The following LRMDA variants were observed in gnomAD, a reference collection of about 807,000 sequenced individuals.
LRMDA encodes leucine-rich melanocyte differentiation-associated protein.
A neutral mutation model predicts 29.8 loss-of-function variants in LRMDA; 18 were observed. The ratio of observed to expected loss-of-function variants is 0.60; its 90% CI spans 0.42 to 0.90. The LOEUF is 0.90. Ranked by LOEUF, LRMDA falls within the 40% of genes least tolerant of loss-of-function variation. The pLI is 0.00. For missense variants in LRMDA, 273 were observed against 273.9 expected, an observed-to-expected ratio of 1.00 and a Z score of 0.02; for synonymous variants, 125 against 109.4, an observed-to-expected ratio of 1.14 and a Z score of -0.89.
At chr10:75,845,845 G>A (rs1472373762) in intron 2 of LRMDA, among the ~76,000 whole-genome samples, 1 of 152,178 alleles carries the variant, frequency 6.6e-6, no homozygotes, top group Non-Finnish European at 1.5e-5. Flanking sequence ...CCACATGGGG[G>A]CAGAGAGAGA....
chr10:75,668,507 A>T (rs1841851494), intron 2 of LRMDA, among the ~76,000 whole-genome samples: 1 of 151,288 alleles, frequency 6.6e-6, no homozygotes, highest in East Asian at 1.9e-4. Context: ...TTATACAACC[A>T]CTCTCGGTTT....
intron 5 of LRMDA, among the ~76,000 whole-genome samples, chr10:76,197,621 T>TCC (rs1851352604): frequency 6.6e-6 from 1 of 152,124 alleles, no homozygotes; most frequent in African/African-American, 2.4e-5. Context: ...AATTAGCTGT[T>TCC]TAAAATGTTA....
chr10:75,615,789 T>C (rs1841090644), intron 2 of LRMDA, among the ~76,000 whole-genome samples: 1 of 152,202 alleles, frequency 6.6e-6, no homozygotes, highest in African/African-American at 2.4e-5. Context: ...TTTATGTCTC[T>C]GAACTCCATT....
rs767824306 is a variant in LRMDA, at chr10:76,047,235, G to T, written c.330G>T (p.Leu110=). ...VTPALEYLSL[L]GNVACPNELV... ...CAGCTCTGGAGTACCTCAGTCTGCT[G>T]GGCAACGTGGCCTGTCCCAACGAGC... Residue 110 remains leucine (L), a synonymous_variant, in exon 4 of 7, where the codon CTG becomes CTT. Transcript: ENST00000611255. 1.2e-6 allele frequency: 2 copies of T among 1,613,950 alleles called. No homozygotes were observed. Among genetic ancestry groups the T allele is most frequent in the African/African-American group, 2.7e-5 (2 of 74,906 alleles).
chr10:75,693,558 G>A (rs1323649718), intron 2 of LRMDA, among the ~76,000 whole-genome samples: 1 of 152,202 alleles, frequency 6.6e-6, no homozygotes, highest in Non-Finnish European at 1.5e-5. Flanking sequence ...TTCTATTTGT[G>A]TAATAGGCAA....
At chr10:75,897,990 T>G (rs1251667505) in intron 2 of LRMDA, among the ~76,000 whole-genome samples, 4 of 151,614 alleles carry the variant, frequency 2.6e-5, no homozygotes, top group African/African-American at 9.7e-5. Context: ...CCTGGCTAAT[T>G]TTTTTTTGTA....
intron 5 of LRMDA, among the ~76,000 whole-genome samples, chr10:76,103,933 C>T (rs776164135): frequency 1.3e-5 from 2 of 151,878 alleles, no homozygotes; most frequent in African/African-American, 2.4e-5. Context: ...CCTGGAATCC[C>T]AGCTACTTGG....
chr10:75,714,521 A>G (rs544953011), intron 2 of LRMDA, among the ~76,000 whole-genome samples: 1 of 152,362 alleles, frequency 6.6e-6, no homozygotes, highest in African/African-American at 2.4e-5. Context: ...TGGCTCATAC[A>G]TGGCCCAGAA....
chr10:76,432,231 G>C (rs1049102206), intron 6 of LRMDA, among the ~76,000 whole-genome samples: 1 of 152,158 alleles, frequency 6.6e-6, no homozygotes, highest in Non-Finnish European at 1.5e-5. Flanking sequence ...GGGCCTGGGG[G>C]TGCTGCTGGT....
intron 6 of LRMDA, among the ~76,000 whole-genome samples, chr10:76,412,676 G>A (rs1222251616): frequency 6.6e-6 from 1 of 152,146 alleles, no homozygotes; most frequent in African/African-American, 2.4e-5. Flanking sequence ...TGCATTCTTA[G>A]TCTCTAAGAT....
chr10:75,463,490 AT>A (rs1190860287), intron 2 of LRMDA, among the ~76,000 whole-genome samples: 6,798 of 142,178 alleles, frequency 0.048, 449 homozygotes, highest in African/African-American at 0.16. Context: ...GTTCTGGATG[AT>A]TTTTTTTTTT....
chr10:76,088,853 C>G (rs1849183623), intron 5 of LRMDA, among the ~76,000 whole-genome samples: 1 of 151,930 alleles, frequency 6.6e-6, no homozygotes, highest in Admixed American at 6.6e-5. Flanking sequence ...CTTTATTTAT[C>G]TTCTTTGTGA....
chr10:76,514,779 C>T (rs1843043146), intron 6 of LRMDA, among the ~76,000 whole-genome samples: 1 of 152,096 alleles, frequency 6.6e-6, no homozygotes, highest in African/African-American at 2.4e-5. Flanking sequence ...TACTTTATTA[C>T]GCCATTTAAA....
intron 2 of LRMDA, among the ~76,000 whole-genome samples, chr10:76,011,395 G>A (rs545312540): frequency 6.6e-6 from 1 of 152,188 alleles, no homozygotes; most frequent in South Asian, 2.1e-4. Flanking sequence ...AGGATGAGGG[G>A]TGTGGGAATG....
At chr10:76,446,432 C>A (rs1031070821) in intron 6 of LRMDA, among the ~76,000 whole-genome samples, 6 of 152,160 alleles carry the variant, frequency 3.9e-5, no homozygotes, top group African/African-American at 1.4e-4. Context: ...CTGTACTGAA[C>A]ATGAAACAGA....
intron 2 of LRMDA, among the ~76,000 whole-genome samples, chr10:75,676,278 C>G (rs1331527894): frequency 1.3e-5 from 2 of 152,182 alleles, no homozygotes; most frequent in African/African-American, 4.8e-5. Flanking sequence ...GGACATTCTT[C>G]CTAATCTGTG....
At chr10:76,200,240 A>G (rs1851402467) in intron 5 of LRMDA, among the ~76,000 whole-genome samples, 1 of 152,230 alleles carries the variant, frequency 6.6e-6, no homozygotes, top group South Asian at 2.1e-4. Flanking sequence ...CTGGGATGAC[A>G]GGCATGAGCC....
intron 2 of LRMDA, among the ~76,000 whole-genome samples, chr10:75,983,175 C>G (rs912694676): frequency 1.3e-5 from 2 of 152,120 alleles, no homozygotes; most frequent in African/African-American, 4.8e-5. Flanking sequence ...ATCCAGCCAT[C>G]GAAGCCTGCC....
At chr10:75,884,482 A>G (rs1169571201) in intron 2 of LRMDA, among the ~76,000 whole-genome samples, 5 of 152,188 alleles carry the variant, frequency 3.3e-5, no homozygotes, top group Non-Finnish European at 7.3e-5. Context: ...GCACCAAGTG[A>G]CAAGTCCTGT....
Sources: gnomAD v4.1 joint callset for allele counts (sites outside exome capture counted in the v4.1 genomes callset) on GRCh38, gnomAD v4.1.1 for gene constraint, MANE v1.5 for transcripts, NCBI Gene and HGNC (gene_info 2026-07-23, HGNC 2026-07-21) for gene names.